AP5Z1: variants seen among roughly 807,000 people sequenced by gnomAD.
The protein encoded by AP5Z1 is adaptor related protein complex 5 subunit zeta 1, also known as AP-5 complex subunit zeta-1.
In AP5Z1, 106 loss-of-function variants were observed where a neutral mutation model predicts 83.0. The ratio of observed to expected loss-of-function variants is 1.28; its 90% CI spans 1.09 to 1.50. The LOEUF (loss-of-function observed/expected upper bound fraction) is 1.50. Ranked by LOEUF, AP5Z1 falls within the 40% of genes most tolerant of loss-of-function variation. AP5Z1 has a pLI of 0.00. For missense variants in AP5Z1, 1,565 were observed against 1,094.2 expected (o/e 1.43, Z -6.07); for synonymous variants, 751 against 514.1 (o/e 1.46, Z -6.23).
intron 7 of AP5Z1, among the ~76,000 whole-genome samples, 181 bp from the exon 8 acceptor site, chr7:4,785,234 G>A (rs1278761503): frequency 6.6e-6 from 1 of 152,094 alleles, no homozygotes; most frequent in African/African-American, 2.4e-5. Context: ...CTCCACCCCA[G>A]CCCCCAGCCC....
intron 1 of AP5Z1, among the ~76,000 whole-genome samples, chr7:4,779,995 G>C (rs950757532): frequency 6.6e-6 from 1 of 151,934 alleles, no homozygotes; most frequent in East Asian, 1.9e-4. Flanking sequence ...TGCCCAGGAT[G>C]GTCTCAGACA....
rs562623413 is a variant in AP5Z1, at chr7:4,789,915, T to C, written c.1791T>C (p.Ala597=). The change falls in exon 14 of 17, where the codon GCT becomes GCC. Residue 597 remains alanine, a synonymous_variant. Coordinates refer to ENST00000649063, the MANE Select transcript of AP5Z1 (RefSeq NM_014855.3). ...CGCTCTACCCGGCCCCAGGGTACGC[T>C]GCCGGTGTGCACAGGTAGGTCCCTC... ...SDSLYPAPGY[A]AGVHSVLSSQ... 1.9e-6 allele frequency: 3 copies of C among 1,547,180 alleles called. No individual in the cohort carries two copies. The highest frequency in any genetic ancestry group is 2.4e-5 in the South Asian group (2 of 83,846).
chr7:4,783,648 G>C (rs759753161), intron 4 of AP5Z1, 41 bp from the exon 5 acceptor site: 5 of 1,534,686 alleles, frequency 3.3e-6, no homozygotes, highest in Non-Finnish European at 4.4e-6. Flanking sequence ...GGCATCTGTA[G>C]GATTCAACCT....
Position 4,788,629 on chromosome 7 carries a change from C to T in AP5Z1, c.1596-211C>T, listed in dbSNP as rs1257485407. The T allele has an allele frequency of 3.0e-5, 16 of 526,678 alleles. No homozygotes were observed. In the East Asian group the frequency reaches 3.8e-4, roughly 12 times the overall value. 32.6% of individuals were successfully genotyped at this position (526,678 alleles called of 1,614,324 possible). A position where few individuals can be genotyped will look rare whatever the true frequency, so the allele number is the denominator to read the frequency against. ...GGCCACAGGCCTCCTGCCCTCAGCC[C>T]ACGCCAGCCTTTGTCCCGATGGCTT... On this transcript the variant is annotated intron_variant, in intron 12 of 16. Transcript: ENST00000649063.
Position 4,790,557 on chromosome 7 carries a change from G to GTCTC in AP5Z1, c.1906_1909dup (p.Cys637SerfsTer127). The GTCTC allele has an allele frequency of 6.2e-7, 1 of 1,613,112 alleles. No individual in the cohort carries two copies. The highest frequency in any genetic ancestry group is 1.1e-5 in the South Asian group (1 of 91,082). On this transcript the variant is annotated frameshift_variant, in exon 15 of 17. Transcript: ENST00000649063. LOFTEE classifies it high-confidence loss of function. ...CTGGAGTTCCTGGGCAGCGTGAATG[G>GTCTC]TCTCTGCAGCAGGGCGAGCCTCGTC...
At chr7:4,777,548 C>G (rs1028063402) in intron 1 of AP5Z1, among the ~76,000 whole-genome samples, 1 of 152,010 alleles carries the variant, frequency 6.6e-6, no homozygotes, top group Non-Finnish European at 1.5e-5. Flanking sequence ...CCACCACACC[C>G]GGCTGATTTT....
Position 4,794,250 on chromosome 7 carries a change from C to T in AP5Z1, c.*2865C>T, listed in dbSNP as rs1207663263. On this transcript the variant is annotated 3_prime_UTR_variant, in exon 17 of 17. Transcript: ENST00000649063. ...CAGCACCCTGTCAAAACAGACCACT[C>T]GGCTCTACCAGTCAGCAGGATGTGG... The T allele has an allele frequency of 3.3e-5, 5 of 152,190 alleles. No individual in the cohort carries two copies. Among genetic ancestry groups the T allele is most frequent in the Admixed American group, 6.5e-5 (1 of 15,280 alleles). 9.4% of individuals were successfully genotyped at this position (152,190 alleles called of 1,614,324 possible).
Position 4,790,717 on chromosome 7 carries a change from G to A in AP5Z1, c.1983G>A (p.Arg661=). The A allele has an allele frequency of 6.2e-7, 1 of 1,611,154 alleles. No individual in the cohort carries two copies. ...ACCTGTCGGTGACCTACGATCGGAGGTGCACCGTGGAGCAGATCAACAAGT... is the reference window on the plus strand; with the variant it reads ...ACCTGTCGGTGACCTACGATCGGAGATGCACCGTGGAGCAGATCAACAAGT... The part of the protein sequence containing the change: ...GEYLSVTYDR[R]CTVEQINKFF... Residue 661 remains arginine (R), a synonymous_variant, in exon 16 of 17, where the codon AGG becomes AGA. Coordinates refer to ENST00000649063, the MANE Select transcript of AP5Z1 (RefSeq NM_014855.3).
chr7:4,787,522 CCCT>C, intron 10 of AP5Z1, 109 bp from the exon 11 acceptor site: 3 of 1,413,582 alleles, frequency 2.1e-6, no homozygotes, highest in Non-Finnish European at 2.8e-6. Flanking sequence ...AAGGTAGAAG[CCCT>C]CCTGGGGACT....
intron 10 of AP5Z1, among the ~76,000 whole-genome samples, chr7:4,786,836 T>A (rs1781560731): frequency 6.6e-6 from 1 of 151,726 alleles, no homozygotes; most frequent in Non-Finnish European, 1.5e-5. Context: ...AGTGGCGCAA[T>A]CTCAGCTCAC....
In AP5Z1 at chr7:4,785,420, C is replaced by G. The variant is rs1753640974; in HGVS notation, c.937C>G (p.Leu313Val). Reference protein sequence around the residue: ...RLIEQSNRRALRKGDSDLQKA... With the variant: ...RLIEQSNRRAVRKGDSDLQKA... ...ACTTTTTCCCCTCCTTCCAGGAGCC[C>G]TGAGGAAGGGGGACTCCGACCTGCA... The change falls in exon 8 of 17, where the codon CTG becomes GTG. Residue 313 changes from leucine to valine, a missense_variant. Coordinates refer to ENST00000649063, the MANE Select transcript of AP5Z1 (RefSeq NM_014855.3). The G allele has an allele frequency of 6.2e-7, 1 of 1,613,184 alleles. No homozygotes were observed.
At chr7:4,783,918 G>C in intron 5 of AP5Z1, 120 bp downstream of exon 5, 4 of 1,127,994 alleles carry the variant, frequency 3.5e-6, no homozygotes, top group Non-Finnish European at 3.7e-6. Flanking sequence ...GGACGAGCCT[G>C]CCTCTGCTGC....
intron 2 of AP5Z1, 37 bp downstream of exon 2, chr7:4,781,349 A>G (rs367771882): frequency 9.3e-6 from 15 of 1,610,186 alleles, no homozygotes; most frequent in Non-Finnish European, 1.3e-5. Flanking sequence ...CTCCTCACAC[A>G]GCGGCCCCAG....
At chr7:4,788,052 G>A (rs1781611848) in intron 11 of AP5Z1, 102 bp from the exon 12 acceptor site, 2 of 1,429,842 alleles carry the variant, frequency 1.4e-6, no homozygotes, top group African/African-American at 1.4e-5. Context: ...GGCACCCGAG[G>A]TGCTGTGATA....
At chr7:4,779,436 CAT>C (rs201678692) in intron 1 of AP5Z1, among the ~76,000 whole-genome samples, 9,885 of 146,126 alleles carry the variant, frequency 0.068, 457 homozygotes, top group African/African-American at 0.12. Flanking sequence ...TCATATATAA[CAT>C]ATATAACATT....
intron 6 of AP5Z1, 75 bp downstream of exon 6, chr7:4,784,446 G>T: frequency 2.0e-6 from 3 of 1,476,466 alleles, no homozygotes; most frequent in Non-Finnish European, 2.7e-6. Context: ...AGGGGGACAC[G>T]GGCGGAGGTG....
chr7:4,789,514 G>A (rs1019657073), intron 13 of AP5Z1, among the ~76,000 whole-genome samples: 2 of 152,246 alleles, frequency 1.3e-5, no homozygotes, highest in East Asian at 3.9e-4. Flanking sequence ...TGGGGAGGCC[G>A]GCAGGGGGCT....
chr7:4,777,138 T>C (rs1320337167), intron 1 of AP5Z1, among the ~76,000 whole-genome samples: 1 of 152,136 alleles, frequency 6.6e-6, no homozygotes, highest in Non-Finnish European at 1.5e-5. Flanking sequence ...CAGCTCAACA[T>C]AGGCAACCTT....
chr7:4,788,858 G>T lies in AP5Z1; in HGVS notation c.1614G>T (p.Gln538His). The T allele has an allele frequency of 6.2e-7, 1 of 1,608,218 alleles. No homozygotes were observed. Reference sequence around the variant, plus strand: ...TCCTCAGGTTGGCGCCACTCCACCAGCTGCTGCAGCCCATGGCCGGCTGTG... The same window carrying T: ...TCCTCAGGTTGGCGCCACTCCACCATCTGCTGCAGCCCATGGCCGGCTGTG... ...GATERLAPLH[Q>H]LLQPMAGCAR... is the part of the protein sequence containing the mutation. The change falls in exon 13 of 17, where the codon CAG becomes CAT. Residue 538 changes from glutamine (Q) to histidine (H), a missense_variant. Physicochemically the swap from Gln to His is conservative, Grantham distance 24. Transcript: ENST00000649063.
Sources: allele counts gnomAD v4.1 joint callset (sites outside exome capture counted in the v4.1 genomes callset), GRCh38; gene constraint gnomAD v4.1.1; transcripts MANE v1.5; gene names NCBI Gene and HGNC (gene_info 2026-07-23, HGNC 2026-07-21).